CCDC85A: variants seen among roughly 807,000 people sequenced by gnomAD.
CCDC85A encodes coiled-coil domain containing 85A, also known as coiled-coil domain-containing protein 85A.
CCDC85A carries 38 observed loss-of-function variants against 50.2 expected under a neutral mutation model. That is an observed-to-expected ratio of 0.76 (90% CI 0.58 to 0.99). The LOEUF is 0.99. Among genes scored for constraint, CCDC85A ranks in the 50% least tolerant of loss-of-function variants. CCDC85A has a pLI of 0.00. For synonymous variants in CCDC85A, 366 were observed against 301.4 expected (o/e 1.21, Z -2.22); for missense variants, 820 against 742.0 (o/e 1.11, Z -1.22).
At chr2:56,321,123 T>G (rs1389076585) in intron 2 of CCDC85A, among the ~76,000 whole-genome samples, 1 of 152,080 alleles carries the variant, frequency 6.6e-6, no homozygotes, top group Non-Finnish European at 1.5e-5. Flanking sequence ...ATAAATTAGG[T>G]ATTGATGGGA....
chr2:56,244,044 G>T (rs926267617), intron 2 of CCDC85A, among the ~76,000 whole-genome samples: 8 of 152,116 alleles, frequency 5.3e-5, no homozygotes, highest in African/African-American at 1.9e-4. Context: ...ACTGGGTCTT[G>T]CCTAAGGCCC....
At chr2:56,253,440 T>C (rs781194776) in intron 2 of CCDC85A, among the ~76,000 whole-genome samples, 1 of 152,030 alleles carries the variant, frequency 6.6e-6, no homozygotes, top group Non-Finnish European at 1.5e-5. Flanking sequence ...CCAGAGCGGG[T>C]TGGAAAGAGA....
At chr2:56,330,372 A>T (rs2104290667) in intron 2 of CCDC85A, among the ~76,000 whole-genome samples, 1 of 152,340 alleles carries the variant, frequency 6.6e-6, no homozygotes, top group Non-Finnish European at 1.5e-5. Context: ...CCTCTGAGCC[A>T]GACTTCTGTT....
At chr2:56,210,140 T>C (rs909927514) in intron 2 of CCDC85A, among the ~76,000 whole-genome samples, 3 of 152,052 alleles carry the variant, frequency 2.0e-5, no homozygotes, top group African/African-American at 7.2e-5. Context: ...TGTATGCTCG[T>C]TGGAAGTAGC....
chr2:56,279,809 A>G lies in CCDC85A; in HGVS notation c.1241-63070A>G, dbSNP rs571783633. 5.3e-5 allele frequency among the ~76,000 whole-genome samples: 8 copies of G among 152,360 alleles called. No individual in the cohort carries two copies. The East Asian group carries it at 1.4e-3, about 26-fold the overall frequency. The stretch of plus-strand genomic sequence containing the variant: ...ATGACTGAGCAATATTCCATTGGGT[A>G]TATATACCTGTTTTCTTTATTCATT... On this transcript the variant is annotated intron_variant, in intron 2 of 5. Transcript: ENST00000407595.
intron 2 of CCDC85A, among the ~76,000 whole-genome samples, chr2:56,203,095 C>A (rs1198700324): frequency 1.3e-5 from 2 of 152,178 alleles, no homozygotes; most frequent in Non-Finnish European, 2.9e-5. Flanking sequence ...TGTTGATTGG[C>A]AGGGCAGTCC....
At chr2:56,330,792 A>G (rs1467586770) in intron 2 of CCDC85A, among the ~76,000 whole-genome samples, 3 of 152,216 alleles carry the variant, frequency 2.0e-5, no homozygotes, top group African/African-American at 4.8e-5. Flanking sequence ...AATAAGTACA[A>G]CTTTTATGGA....
In CCDC85A at chr2:56,215,774, T is replaced by G. The variant is rs556641880; in HGVS notation, c.1240+22334T>G. Among the ~76,000 whole-genome samples the G allele has an allele frequency of 2.2e-4, 34 of 152,044 alleles. No homozygotes were observed. The South Asian group carries it at 7.0e-3, about 31-fold the overall frequency. On this transcript the variant is annotated intron_variant, in intron 2 of 5. Coordinates refer to ENST00000407595, the MANE Select transcript of CCDC85A (RefSeq NM_001080433.2). ...GTGCTTTGTATATTTTTGTATTGCTTTATAGCTTGGGTCGGTAAATTATGG... is the reference window on the plus strand; with the variant it reads ...GTGCTTTGTATATTTTTGTATTGCTGTATAGCTTGGGTCGGTAAATTATGG...
chr2:56,360,652 AT>A, intron 3 of CCDC85A, among the ~76,000 whole-genome samples: 1 of 152,258 alleles, frequency 6.6e-6, no homozygotes, highest in African/African-American at 2.4e-5. Flanking sequence ...AATTTTGGCC[AT>A]TTTCTTCCTA....
At chr2:56,245,084 C>G (rs1037580532) in intron 2 of CCDC85A, among the ~76,000 whole-genome samples, 2 of 152,206 alleles carry the variant, frequency 1.3e-5, no homozygotes, top group Admixed American at 1.3e-4. Flanking sequence ...TGGTGTCTCA[C>G]TAGGTCATGT....
chr2:56,315,032 T>C (rs1239871307), intron 2 of CCDC85A, among the ~76,000 whole-genome samples: 1 of 152,128 alleles, frequency 6.6e-6, no homozygotes, highest in East Asian at 1.9e-4. Flanking sequence ...TAGAAGAACT[T>C]CTCTTTCTCC....
At chr2:56,190,310 G>C (rs1676242659) in intron 1 of CCDC85A, among the ~76,000 whole-genome samples, 1 of 152,110 alleles carries the variant, frequency 6.6e-6, no homozygotes, top group African/African-American at 2.4e-5. Flanking sequence ...TCAAGGAACT[G>C]CTGGCTCCTT....
chr2:56,209,767 A>G (rs905851388), intron 2 of CCDC85A, among the ~76,000 whole-genome samples: 9 of 151,994 alleles, frequency 5.9e-5, no homozygotes, highest in African/African-American at 2.2e-4. Flanking sequence ...TTATTTCTTC[A>G]TTCATTTATT....
intron 2 of CCDC85A, among the ~76,000 whole-genome samples, chr2:56,197,088 A>G (rs1573009403): frequency 6.6e-6 from 1 of 152,172 alleles, no homozygotes; most frequent in Non-Finnish European, 1.5e-5. Flanking sequence ...ATGGAGTGTC[A>G]GGGTTGTAAG....
At chr2:56,238,965 C>T (rs1431514942) in intron 2 of CCDC85A, among the ~76,000 whole-genome samples, 1 of 152,120 alleles carries the variant, frequency 6.6e-6, no homozygotes, top group Non-Finnish European at 1.5e-5. Context: ...GATGGAGCAT[C>T]ATACTGATAT....
intron 2 of CCDC85A, among the ~76,000 whole-genome samples, chr2:56,206,743 C>A (rs561293069): frequency 3.4e-4 from 51 of 152,152 alleles, no homozygotes; most frequent in Non-Finnish European, 3.5e-4. Flanking sequence ...CACATTCAAA[C>A]CACAGCATTA....
Position 56,332,444 on chromosome 2 carries a change from A to G in CCDC85A, c.1241-10435A>G, listed in dbSNP as rs73940663. ...AGTGCCTGCCATGAAGGGGAAAGGG[A>G]TCTTTCAAGACTCTTTTATAAAGGT... On this transcript the variant is annotated intron_variant, in intron 2 of 5. Transcript: ENST00000407595. Among the ~76,000 whole-genome samples, 18 of 152,106 alleles carry G rather than the reference A, an allele frequency of 1.2e-4. No homozygotes were observed. In the South Asian group the frequency reaches 1.2e-3, roughly 11 times the overall value.
At chr2:56,306,159 C>T (rs533279471) in intron 2 of CCDC85A, among the ~76,000 whole-genome samples, 1 of 152,108 alleles carries the variant, frequency 6.6e-6, no homozygotes, top group East Asian at 1.9e-4. Flanking sequence ...GATGGAGTCT[C>T]ACTCTTGTCG....
intron 2 of CCDC85A, among the ~76,000 whole-genome samples, chr2:56,285,460 ATAT>A (rs1671397031): frequency 6.9e-6 from 1 of 144,918 alleles, no homozygotes; most frequent in Non-Finnish European, 1.5e-5. Flanking sequence ...ATAATTAATT[ATAT>A]TATTAATTAT....
Sources: gnomAD v4.1 joint callset for allele counts (sites outside exome capture counted in the v4.1 genomes callset) on GRCh38, gnomAD v4.1.1 for gene constraint, MANE v1.5 for transcripts, NCBI Gene and HGNC (gene_info 2026-07-23, HGNC 2026-07-21) for gene names.